The following CAMK4 variants were observed in gnomAD, a reference collection of about 807,000 sequenced individuals.
CAMK4 encodes the protein calcium/calmodulin dependent protein kinase IV.
A neutral mutation model predicts 44.9 loss-of-function variants in CAMK4; 22 were observed. The ratio of observed to expected loss-of-function variants is 0.49; its 90% confidence interval spans 0.35 to 0.70. The LOEUF is 0.70. CAMK4 is among the 30% of genes least tolerant of loss of function. The pLI, the probability that CAMK4 is intolerant of heterozygous loss-of-function variation, is 0.01. For synonymous variants in CAMK4, 218 were observed against 215.4 expected, an observed-to-expected ratio of 1.01 and a Z score of -0.11; for missense variants, 498 against 586.8, an observed-to-expected ratio of 0.85 and a Z score of 1.56.
chr5:111,384,638 T>C (rs1470624607), intron 4 of CAMK4, among the ~76,000 whole-genome samples: 2 of 152,136 alleles, frequency 1.3e-5, no homozygotes, highest in African/African-American at 4.8e-5. Flanking sequence ...CATGAATTTC[T>C]CCCTTTTCCT....
At chr5:111,264,965 A>G (rs1750171652) in intron 1 of CAMK4, among the ~76,000 whole-genome samples, 2 of 151,958 alleles carry the variant, frequency 1.3e-5, no homozygotes, top group South Asian at 4.2e-4. Context: ...CCCCTCATCC[A>G]TGAGGATCCC....
intron 4 of CAMK4, among the ~76,000 whole-genome samples, chr5:111,393,584 A>G (rs1349798797): frequency 1.3e-5 from 2 of 152,164 alleles, no homozygotes; most frequent in South Asian, 2.1e-4. Flanking sequence ...ATGAAGGGAC[A>G]TGGATGGAGC....
chr5:111,273,677 TTATATATATATATATATATA>T (rs1160351356), intron 1 of CAMK4, among the ~76,000 whole-genome samples: 10 of 41,128 alleles, frequency 2.4e-4, no homozygotes, highest in African/African-American at 3.0e-4. Context: ...AAAAATGCAT[TTATATATATATATATATATA>T]TATATATATA....
chr5:111,405,614 T>C (rs548195822), intron 5 of CAMK4, among the ~76,000 whole-genome samples: 1 of 152,336 alleles, frequency 6.6e-6, no homozygotes, highest in East Asian at 1.9e-4. Context: ...CTTTAGTTAT[T>C]TCTTGAAAGT....
chr5:111,257,359 AAAG>A (rs1193367704), intron 1 of CAMK4, among the ~76,000 whole-genome samples: 1 of 152,244 alleles, frequency 6.6e-6, no homozygotes, highest in African/African-American at 2.4e-5. Flanking sequence ...ACACTTCTGA[AAAG>A]AAGACATTTA....
chr5:111,480,249 A>AACACACACACACACACACACAC (rs532395570), intron 9 of CAMK4, among the ~76,000 whole-genome samples: 1,662 of 121,186 alleles, frequency 0.014, 41 homozygotes, highest in African/African-American at 0.024. Context: ...TAGGCATGTA[A>AACACACACACACACACACACAC]ACACACACAC....
At chr5:111,352,430 A>G (rs561546591) in intron 2 of CAMK4, among the ~76,000 whole-genome samples, 2 of 152,198 alleles carry the variant, frequency 1.3e-5, no homozygotes, top group African/African-American at 4.8e-5. Flanking sequence ...AGCCATTAAC[A>G]ATAAAAATAA....
chr5:111,358,837 G>A (rs138605363), intron 2 of CAMK4, among the ~76,000 whole-genome samples: 1 of 152,162 alleles, frequency 6.6e-6, no homozygotes, highest in East Asian at 1.9e-4. Flanking sequence ...TTCTGTTACT[G>A]TGTTAGTTTG....
At chr5:111,272,513 A>G (rs1455163100) in intron 1 of CAMK4, among the ~76,000 whole-genome samples, 3 of 152,206 alleles carry the variant, frequency 2.0e-5, no homozygotes, top group African/African-American at 7.2e-5. Flanking sequence ...ACTACAGCTT[A>G]CATACATTCA....
intron 1 of CAMK4, among the ~76,000 whole-genome samples, chr5:111,303,912 C>T (rs1370765077): frequency 2.3e-5 from 3 of 130,310 alleles, no homozygotes; most frequent in Non-Finnish European, 4.6e-5. Context: ...AGAAACCCTA[C>T]AAGCCGGAAG....
chr5:111,448,646 A>C (rs1304801582), intron 6 of CAMK4, among the ~76,000 whole-genome samples: 1 of 152,158 alleles, frequency 6.6e-6, no homozygotes, highest in Non-Finnish European at 1.5e-5. Context: ...TCTACTAAAA[A>C]TACAAAAAAA....
At chr5:111,326,683 T>A (rs201175138) in intron 1 of CAMK4, among the ~76,000 whole-genome samples, 6 of 148,782 alleles carry the variant, frequency 4.0e-5, no homozygotes, top group African/African-American at 7.4e-5. Flanking sequence ...AAGCTATAAA[T>A]AAAAAAAAAG....
At chr5:111,314,103 T>C (rs1056330904) in intron 1 of CAMK4, among the ~76,000 whole-genome samples, 3 of 152,134 alleles carry the variant, frequency 2.0e-5, no homozygotes, top group Admixed American at 6.6e-5. Flanking sequence ...ACTAATACAT[T>C]ATTAAACAGC....
chr5:111,283,738 G>A (rs1323078877), intron 1 of CAMK4, among the ~76,000 whole-genome samples: 1 of 152,080 alleles, frequency 6.6e-6, no homozygotes. Context: ...TGGCAACAGA[G>A]GCATTCCTAC....
chr5:111,470,844 G>A (rs73218037), intron 7 of CAMK4, among the ~76,000 whole-genome samples: 8,884 of 152,164 alleles, frequency 0.058, 660 homozygotes, highest in African/African-American at 0.17. Flanking sequence ...AGGTTTCCTG[G>A]GAATTTTTCT....
At chr5:111,418,253 G>A (rs1752884667) in intron 5 of CAMK4, among the ~76,000 whole-genome samples, 1 of 152,144 alleles carries the variant, frequency 6.6e-6, no homozygotes, top group Non-Finnish European at 1.5e-5. Flanking sequence ...TCTTATTAGG[G>A]GTTTTCAAAA....
chr5:111,286,758 A>G (rs1751252722), intron 1 of CAMK4, among the ~76,000 whole-genome samples: 1 of 152,146 alleles, frequency 6.6e-6, no homozygotes, highest in Non-Finnish European at 1.5e-5. Flanking sequence ...AATATAGAAC[A>G]TAAAATTTTT....
chr5:111,247,052 C>T (rs895452828), intron 1 of CAMK4, among the ~76,000 whole-genome samples: 17 of 151,924 alleles, frequency 1.1e-4, no homozygotes, highest in Admixed American at 8.5e-4. Context: ...ATTAGTTCCT[C>T]GGGATGTTTT....
At chr5:111,407,120 A>G (rs527339) in intron 5 of CAMK4, among the ~76,000 whole-genome samples, 138,266 of 152,118 alleles carry the variant, frequency 0.91, 62,923 homozygotes, top group East Asian at 0.99. Flanking sequence ...TTGGGAGGTC[A>G]AAGCAGGTGG....
Sources: gnomAD v4.1 joint callset for allele counts (sites outside exome capture counted in the v4.1 genomes callset) on GRCh38, gnomAD v4.1.1 for gene constraint, MANE v1.5 for transcripts, NCBI Gene and HGNC (gene_info 2026-07-23, HGNC 2026-07-21) for gene names.